Variants in MYO5A observed in about 807,000 individuals in gnomAD.
MYO5A encodes myosin VA, also known as unconventional myosin-Va.
Under a neutral mutation model 249.7 loss-of-function variants are expected in MYO5A, and 98 were observed. The ratio of observed to expected loss-of-function variants is 0.39; its 90% confidence interval spans 0.33 to 0.46. The LOEUF (loss-of-function observed/expected upper bound fraction) is 0.46, where lower values mean the gene tolerates loss of function less well. Ranked by LOEUF, MYO5A falls within the 20% of genes least tolerant of loss-of-function variation. The pLI, the probability that MYO5A is intolerant of heterozygous loss-of-function variation, is 0.98. For missense variants in MYO5A, 1,696 were observed against 2,308.8 expected (o/e 0.73, Z 5.44); for synonymous variants, 778 against 810.6 (o/e 0.96, Z 0.68).
intron 1 of MYO5A, among the ~76,000 whole-genome samples, chr15:52,475,773 T>C (rs1402464808): frequency 6.6e-6 from 1 of 152,212 alleles, no homozygotes; most frequent in Non-Finnish European, 1.5e-5. Context: ...TAATTTCTAT[T>C]CTTTTACATT....
intron 9 of MYO5A, among the ~76,000 whole-genome samples, chr15:52,401,918 G>A (rs2141203757): frequency 6.6e-6 from 1 of 152,258 alleles, no homozygotes; most frequent in South Asian, 2.1e-4. Flanking sequence ...TTTCTCTTCA[G>A]TTGTACCAAA....
chr15:52,373,019 T>A (rs75070544), intron 20 of MYO5A, among the ~76,000 whole-genome samples: 3,675 of 152,194 alleles, frequency 0.024, 137 homozygotes, highest in African/African-American at 0.085. Context: ...GGAATACCAT[T>A]CTAGTGAGGA....
At chr15:52,355,568 A>G (rs919591275) in intron 25 of MYO5A, among the ~76,000 whole-genome samples, 1 of 152,238 alleles carries the variant, frequency 6.6e-6, no homozygotes, top group Admixed American at 6.5e-5. Context: ...AATAGTTATT[A>G]TACTGTATTG....
chr15:52,500,792 T>G (rs2077139622), intron 1 of MYO5A, among the ~76,000 whole-genome samples: 2 of 152,132 alleles, frequency 1.3e-5, no homozygotes. Flanking sequence ...TTTCTCCTTT[T>G]CTCTCCCTTC....
chr15:52,348,873 A>G (rs1462805910), intron 28 of MYO5A, 47 bp from the exon 29 acceptor site: 1 of 1,598,720 alleles, frequency 6.3e-7, no homozygotes, highest in Non-Finnish European at 8.5e-7. Context: ...AAAACAATAA[A>G]CCCTTAGTTC....
intron 1 of MYO5A, among the ~76,000 whole-genome samples, chr15:52,525,281 T>C (rs1338085218): frequency 1.3e-5 from 2 of 152,230 alleles, no homozygotes; most frequent in African/African-American, 2.4e-5. Context: ...AATTATATGG[T>C]ATAAGACACA....
chr15:52,329,905 A>ATTTTTTTTTTTTTT (rs58058940), intron 35 of MYO5A, among the ~76,000 whole-genome samples: 1,251 of 119,432 alleles, frequency 0.01, 37 homozygotes, highest in Non-Finnish European at 0.014. Flanking sequence ...CGCCTGGGTA[A>ATTTTTTTTTTTTTT]TTTTTTTTTT....
chr15:52,364,104 G>A (rs1315024986), intron 24 of MYO5A, among the ~76,000 whole-genome samples: 1 of 152,038 alleles, frequency 6.6e-6, no homozygotes, highest in East Asian at 1.9e-4. Context: ...TGGGCATGGT[G>A]GTGGGCACCT....
intron 1 of MYO5A, among the ~76,000 whole-genome samples, chr15:52,448,672 C>A (rs1234535062): frequency 2.6e-5 from 4 of 152,114 alleles, no homozygotes; most frequent in African/African-American, 9.7e-5. Context: ...TGGGAGGTGA[C>A]TGGATCACGG....
At chr15:52,528,680 G>A in intron 1 of MYO5A, 100 bp downstream of exon 1, 1 of 1,348,166 alleles carries the variant, frequency 7.4e-7, no homozygotes, top group South Asian at 1.5e-5. Flanking sequence ...CGCTGGTGGG[G>A]CTCGCCTGGG....
At chr15:52,330,828 G>A (rs953841420) in intron 34 of MYO5A, among the ~76,000 whole-genome samples, 1 of 152,106 alleles carries the variant, frequency 6.6e-6, no homozygotes, top group Non-Finnish European at 1.5e-5. Flanking sequence ...TAACAGATTT[G>A]TTAATTAATT....
chr15:52,455,704 C>A (rs1170604704), intron 1 of MYO5A, among the ~76,000 whole-genome samples: 1 of 150,994 alleles, frequency 6.6e-6, no homozygotes, highest in Non-Finnish European at 1.5e-5. Context: ...GAACGAAGAA[C>A]AAAAACCATA....
intron 1 of MYO5A, among the ~76,000 whole-genome samples, chr15:52,487,311 G>C (rs1269928281): frequency 6.6e-6 from 1 of 152,126 alleles, no homozygotes; most frequent in African/African-American, 2.4e-5. Context: ...AGCTACTCAG[G>C]GGGCTGAGGT....
intron 36 of MYO5A, among the ~76,000 whole-genome samples, chr15:52,326,904 GT>G (rs1277463076): frequency 3.3e-5 from 5 of 152,312 alleles, no homozygotes. Context: ...AACTAAGCCT[GT>G]GCTCACTGTT....
rs539855502 is a variant in MYO5A, at chr15:52,331,654, G to T, written c.4409-1155C>A. 9.1e-6 allele frequency: 9 copies of T among 985,248 alleles called. No homozygotes were observed. The East Asian group carries it at 9.1e-4, about 99-fold the overall frequency. 61.0% of individuals were successfully genotyped at this position (985,248 alleles called of 1,614,324 possible). ...GGGTAATTTCCTGGGTTAGTTCTGA[G>T]AAGCCAGTCCCACAGGAAGAGGTTA... On this transcript the variant is annotated intron_variant, in intron 34 of 41. Coordinates refer to ENST00000399233, the MANE Select transcript of MYO5A (RefSeq NM_001382347.1).
intron 1 of MYO5A, among the ~76,000 whole-genome samples, chr15:52,442,038 T>C (rs1300113393): frequency 1.3e-5 from 2 of 152,190 alleles, no homozygotes; most frequent in Non-Finnish European, 2.9e-5. Context: ...AAGAAATATT[T>C]GTGTGACAGA....
At chr15:52,499,645 T>G (rs11858875) in intron 1 of MYO5A, among the ~76,000 whole-genome samples, 7,991 of 152,292 alleles carry the variant, frequency 0.052, 296 homozygotes, top group Middle Eastern at 0.092. Context: ...TTATTCATGT[T>G]GAGGCATCTT....
intron 14 of MYO5A, among the ~76,000 whole-genome samples, chr15:52,384,794 T>C (rs192450953): frequency 6.6e-6 from 1 of 152,330 alleles, no homozygotes; most frequent in Admixed American, 6.5e-5. Flanking sequence ...CTAACTTAAG[T>C]GCTGAGCACT....
intron 20 of MYO5A, among the ~76,000 whole-genome samples, chr15:52,372,791 T>G (rs545669127): frequency 4.7e-4 from 72 of 152,196 alleles, no homozygotes; most frequent in Non-Finnish European, 9.3e-4. Flanking sequence ...CCAGGCATCC[T>G]GTAAACTATG....
Sources: gnomAD v4.1 joint callset for allele counts (sites outside exome capture counted in the v4.1 genomes callset) on GRCh38, gnomAD v4.1.1 for gene constraint, MANE v1.5 for transcripts, NCBI Gene and HGNC (gene_info 2026-07-23, HGNC 2026-07-21) for gene names.